RDX: variants seen among roughly 807,000 people sequenced by gnomAD.
RDX encodes the protein deafness, autosomal recessive 24.
In RDX, 32 loss-of-function variants were observed where a neutral mutation model predicts 83.7. The ratio of observed to expected loss-of-function variants is 0.38; its 90% CI spans 0.29 to 0.51. RDX has a LOEUF of 0.51. Ranked by LOEUF, RDX falls within the 20% of genes least tolerant of loss-of-function variation. RDX has a pLI of 0.87. For missense variants in RDX, 600 were observed against 689.9 expected (o/e 0.87, Z 1.46); for synonymous variants, 229 against 222.7 (o/e 1.03, Z -0.25).
At chr11:110,254,473 T>C (rs1157737277) in intron 8 of RDX, among the ~76,000 whole-genome samples, 3 of 151,926 alleles carry the variant, frequency 2.0e-5, no homozygotes, top group Non-Finnish European at 2.9e-5. Context: ...TTTTTTAACC[T>C]AGAATTGTTC....
chr11:110,192,745 G>A (rs1328518701), intron 15 of RDX, among the ~76,000 whole-genome samples: 2 of 151,836 alleles, frequency 1.3e-5, no homozygotes, highest in African/African-American at 2.4e-5. Context: ...TACAAGCAAC[G>A]ACAAACATAT....
intron 15 of RDX, among the ~76,000 whole-genome samples, chr11:110,176,168 C>T (rs1862770473): frequency 6.6e-6 from 1 of 151,808 alleles, no homozygotes; most frequent in African/African-American, 2.4e-5. Context: ...TCACTGTACC[C>T]TCTGCCTCCC....
At chr11:110,296,016 G>C (rs1016263247) in intron 1 of RDX, among the ~76,000 whole-genome samples, 1 of 152,228 alleles carries the variant, frequency 6.6e-6, no homozygotes, top group Non-Finnish European at 1.5e-5. Context: ...ATGTAAAATC[G>C]AATTCTACCT....
chr11:110,198,925 T>C (rs1175328509), intron 15 of RDX, among the ~76,000 whole-genome samples: 1 of 152,062 alleles, frequency 6.6e-6, no homozygotes, highest in Non-Finnish European at 1.5e-5. Flanking sequence ...AAGCAATTCT[T>C]CTGCCTTAGC....
chr11:110,241,464 T>A (rs1277370099), intron 10 of RDX, among the ~76,000 whole-genome samples: 1 of 152,076 alleles, frequency 6.6e-6, no homozygotes, highest in Non-Finnish European at 1.5e-5. Flanking sequence ...ACCCAGCTAA[T>A]TTTTTTATTT....
intron 13 of RDX, 77 bp from the exon 14 acceptor site, chr11:110,232,110 CAAA>C: frequency 1.1e-5 from 12 of 1,121,068 alleles, no homozygotes; most frequent in Non-Finnish European, 1.6e-5. Context: ...CTTTAAGATG[CAAA>C]AATACATATA....
chr11:110,261,819 AAT>A (rs1859817824), intron 5 of RDX, among the ~76,000 whole-genome samples: 1 of 152,204 alleles, frequency 6.6e-6, no homozygotes, highest in African/African-American at 2.4e-5. Flanking sequence ...CTTCTTTTTA[AAT>A]AGAGTAGGTT....
chr11:110,268,913 C>T (rs1416289096), intron 3 of RDX, among the ~76,000 whole-genome samples: 1 of 150,914 alleles, frequency 6.6e-6, no homozygotes, highest in East Asian at 1.9e-4. Flanking sequence ...TACTATCATG[C>T]TAATACACTA....
intron 15 of RDX, among the ~76,000 whole-genome samples, chr11:110,178,986 G>A (rs1435269711): frequency 6.6e-6 from 1 of 152,064 alleles, no homozygotes; most frequent in Non-Finnish European, 1.5e-5. Context: ...TCGAGTTTGG[G>A]GTCCCTGCAA....
chr11:110,279,456 G>A (rs543332182), intron 2 of RDX, among the ~76,000 whole-genome samples: 425 of 152,278 alleles, frequency 2.8e-3, no homozygotes, highest in African/African-American at 1.0e-2. Context: ...AACCCAGAAA[G>A]GAGAGGTTGC....
intron 15 of RDX, among the ~76,000 whole-genome samples, chr11:110,196,845 C>T (rs1348358518): frequency 6.6e-6 from 1 of 152,182 alleles, no homozygotes; most frequent in Non-Finnish European, 1.5e-5. Context: ...ACAGTCTGGT[C>T]CCAAGGCTGT....
At chr11:110,232,071 CT>C in intron 13 of RDX, 38 bp from the exon 14 acceptor site, 1 of 1,524,960 alleles carries the variant, frequency 6.6e-7, no homozygotes, top group Non-Finnish European at 9.0e-7. Context: ...TTATTTTTTT[CT>C]TAGATTTAAA....
chr11:110,185,782 C>A (rs1862975357), intron 15 of RDX, among the ~76,000 whole-genome samples: 1 of 152,190 alleles, frequency 6.6e-6, no homozygotes, highest in Non-Finnish European at 1.5e-5. Context: ...GGAGCCTGGC[C>A]TCTGTGAAAC....
intron 10 of RDX, among the ~76,000 whole-genome samples, chr11:110,244,520 T>G (rs1865231628): frequency 6.6e-6 from 1 of 152,006 alleles, no homozygotes; most frequent in East Asian, 1.9e-4. Flanking sequence ...CAGACAAAAC[T>G]TTAGAGAAAG....
chr11:110,234,975 C>T (rs1864783615), intron 12 of RDX, among the ~76,000 whole-genome samples: 1 of 151,912 alleles, frequency 6.6e-6, no homozygotes, highest in Non-Finnish European at 1.5e-5. Context: ...CTTATATTCC[C>T]CCACTCTCCA....
rs1385332662 is a variant in RDX at position 110,207,321 on chromosome 11, C to T, written c.1749-7643G>A. Among the ~76,000 whole-genome samples the T allele has an allele frequency of 5.3e-5, 8 of 152,132 alleles. No individual in the cohort carries two copies. In the East Asian group the frequency reaches 1.3e-3, roughly 26 times the overall value. On this transcript the variant is annotated intron_variant, in intron 14 of 15. Coordinates refer to the RDX transcript ENST00000528498. Reference sequence around the variant, plus strand: ...CTGCATAGATCTACTGAATGTGAAACCTGAGGAGGGCACCCTGCAATCTGT... The same window carrying T: ...CTGCATAGATCTACTGAATGTGAAATCTGAGGAGGGCACCCTGCAATCTGT...
rs1169724372 is a variant in RDX at position 110,209,346 on chromosome 11, G to T, written c.1749-9668C>A. 3.3e-5 allele frequency among the ~76,000 whole-genome samples: 5 copies of T among 151,942 alleles called. No homozygotes were observed. The East Asian group carries it at 7.8e-4, about 24-fold the overall frequency. ...CTGGCTCGGAGGGTCCTACGCCCAC[G>T]GAGTCTCGCTGATTGCTAGCATAGC... is the stretch of plus-strand genomic sequence containing the variant. On this transcript the variant is annotated intron_variant, in intron 14 of 15. Coordinates refer to the RDX transcript ENST00000528498.
intron 3 of RDX, among the ~76,000 whole-genome samples, chr11:110,270,324 A>G (rs1467215499): frequency 6.6e-6 from 1 of 152,184 alleles, no homozygotes; most frequent in African/African-American, 2.4e-5. Context: ...TATATTGAAT[A>G]CTGTAGGCAA....
intron 14 of RDX, among the ~76,000 whole-genome samples, chr11:110,223,073 G>A (rs1864307451): frequency 6.6e-6 from 1 of 152,124 alleles, no homozygotes; most frequent in Non-Finnish European, 1.5e-5. Context: ...ATTTTAGGCT[G>A]GGCACGGTGG....
Sources: gnomAD v4.1 joint callset for allele counts (sites outside exome capture counted in the v4.1 genomes callset) on GRCh38, gnomAD v4.1.1 for gene constraint, MANE v1.5 for transcripts, NCBI Gene and HGNC (gene_info 2026-07-23, HGNC 2026-07-21) for gene names.